Variants in RANGAP1 observed in about 807,000 individuals in gnomAD.
RANGAP1 encodes Ran GTPase activating protein 1, also known as ran GTPase-activating protein 1.
A neutral mutation model predicts 63.5 loss-of-function variants in RANGAP1; 38 were observed. The observed-to-expected ratio is 0.60, with a 90% CI of 0.46 to 0.78. The LOEUF (loss-of-function observed/expected upper bound fraction) is 0.78. Ranked by LOEUF, RANGAP1 falls within the 30% of genes least tolerant of loss-of-function variation. The probability of loss-of-function intolerance (pLI) is 0.00; values close to 1 mark genes in which losing one functional copy is unlikely to be tolerated. For missense variants in RANGAP1, 630 were observed against 740.3 expected (o/e 0.85, Z 1.73); for synonymous variants, 329 against 310.5 (o/e 1.06, Z -0.63).
At chr22:41,278,045 T>G (rs1391124648) in intron 2 of RANGAP1, among the ~76,000 whole-genome samples, 15 of 150,964 alleles carry the variant, frequency 9.9e-5, no homozygotes, top group Admixed American at 2.6e-4. Flanking sequence ...TGAGTTTTTT[T>G]TTTTTTTTTT....
chr22:41,258,145 G>A, intron 6 of RANGAP1, 39 bp from the exon 7 acceptor site: 1 of 1,555,602 alleles, frequency 6.4e-7, no homozygotes, highest in Admixed American at 1.8e-5. Flanking sequence ...GGCCCCGAGT[G>A]CCAGGTGACA....
At chr22:41,263,265 C>T (rs1385999364) in intron 5 of RANGAP1, among the ~76,000 whole-genome samples, 3 of 152,202 alleles carry the variant, frequency 2.0e-5, no homozygotes, top group East Asian at 1.9e-4. Flanking sequence ...GAAGGAAAAC[C>T]GAAGCATTTT....
At chr22:41,281,574 G>A in intron 1 of RANGAP1, 1 of 988,604 alleles carries the variant, frequency 1.0e-6, no homozygotes, top group Non-Finnish European at 1.2e-6. Flanking sequence ...ACGCTGGCAT[G>A]ACTCTGGGGT....
chr22:41,248,888 C>A (rs894284305), intron 15 of RANGAP1, among the ~76,000 whole-genome samples: 1 of 152,224 alleles, frequency 6.6e-6, no homozygotes, highest in South Asian at 2.1e-4. Flanking sequence ...GCTGCAGAGC[C>A]TGGTGTGACC....
rs74565399 is a variant in RANGAP1, at chr22:41,266,396, A to G, written c.301-1553T>C. Among the ~76,000 whole-genome samples, 1,097 of 152,334 alleles carry G rather than the reference A, an allele frequency of 7.2e-3. 8 individuals carry two copies. Among genetic ancestry groups the G allele is most frequent in the Non-Finnish European group, 0.013 (852 of 68,020 alleles). ...CTTCCCCATTCCTACAGAGTCAAGT[A>G]AAAGAAAACAAAAACCAAAAGAATA... On this transcript the variant is annotated intron_variant, in intron 4 of 15. Coordinates refer to ENST00000356244, the MANE Select transcript of RANGAP1 (RefSeq NM_002883.4).
At chr22:41,281,448 A>G (rs2035486714) in intron 1 of RANGAP1, 1 of 1,000,742 alleles carries the variant, frequency 1.0e-6, no homozygotes, top group African/African-American at 1.7e-5. Flanking sequence ...GTCTGGCCCA[A>G]GCACACACCT....
chr22:41,281,079 C>G lies in RANGAP1; in HGVS notation c.-35G>C, dbSNP rs781584273. 5 of 1,544,976 alleles carry G rather than the reference C, an allele frequency of 3.2e-6. No homozygotes were observed. In the South Asian group the frequency reaches 6.3e-5, roughly 19 times the overall value. On this transcript the variant is annotated 5_prime_UTR_variant, in exon 2 of 16. Coordinates refer to ENST00000356244, the MANE Select transcript of RANGAP1 (RefSeq NM_002883.4). Reference sequence around the variant, plus strand: ...GCTGGTGGGCTCCCCTGGAGATCTGCAGACTGAGGAGGCCAAAGTTGCAGT... The same window carrying G: ...GCTGGTGGGCTCCCCTGGAGATCTGGAGACTGAGGAGGCCAAAGTTGCAGT...
At chr22:41,276,034 C>T (rs575964764) in intron 2 of RANGAP1, among the ~76,000 whole-genome samples, 1 of 152,134 alleles carries the variant, frequency 6.6e-6, no homozygotes, top group African/African-American at 2.4e-5. Flanking sequence ...ATAGTTATAC[C>T]AGCACTGCTA....
Position 41,246,233 on chromosome 22 carries a change from C to CG in RANGAP1, c.*369dup, listed in dbSNP as rs2033017400. 1 of 194,156 alleles carries CG rather than the reference C, an allele frequency of 5.2e-6. No individual in the cohort carries two copies. The highest frequency in any genetic ancestry group is 9.7e-5 in the South Asian group (1 of 10,354). 12.0% of individuals were successfully genotyped at this position (194,156 alleles called of 1,614,324 possible). On this transcript the variant is annotated 3_prime_UTR_variant, in exon 16 of 16. Transcript: ENST00000356244. ...CTGGGTTCTGGCTCCGCCAGGGAGC[C>CG]GGGCCGGAAGGCAGGTGGGTGGGGA...
chr22:41,276,929 T>C (rs1601699681), intron 2 of RANGAP1, among the ~76,000 whole-genome samples: 1 of 145,782 alleles, frequency 6.9e-6, no homozygotes, highest in African/African-American at 2.6e-5. Context: ...GAGGTAGCAG[T>C]GAGCGAGATC....
In RANGAP1 at chr22:41,285,593, C is replaced by A. The variant is rs965027807; in HGVS notation, c.-39+393G>T. 8.1e-6 allele frequency: 8 copies of A among 985,434 alleles called. No homozygotes were observed. The Admixed American group carries it at 4.3e-4, about 53-fold the overall frequency. The allele number at this position is 985,434 out of a possible 1,614,324, so 61.0% of individuals were successfully genotyped here. ...AGCCCGGGGCCCCCGCGGGCGTGGG[C>A]CTGCTGGGAGGTGGCTCTGCGGGAG... On this transcript the variant is annotated intron_variant, in intron 1 of 15. Coordinates refer to ENST00000356244, the MANE Select transcript of RANGAP1 (RefSeq NM_002883.4).
upstream of RANGAP1, among the ~76,000 whole-genome samples, chr22:41,288,993 G>C (rs566092248): frequency 1.2e-3 from 169 of 142,038 alleles, no homozygotes; most frequent in Non-Finnish European, 1.7e-3. Context: ...TGCGATCTCA[G>C]CTCACTGCAA....
Position 41,255,464 on chromosome 22 carries a change from G to A in RANGAP1, c.1073+557C>T, listed in dbSNP as rs1601608716. Among the ~76,000 whole-genome samples, 4 of 151,918 alleles carry A rather than the reference G, an allele frequency of 2.6e-5. No individual in the cohort carries two copies. In the Middle Eastern group the frequency reaches 0.014, roughly 517 times the overall value. ...TCCAGGTAGACTCCCCAGGCCCCAT[G>A]GTCTCTTCCTTTCTAGAGTCAGCGT... On this transcript the variant is annotated intron_variant, in intron 10 of 15. Transcript: ENST00000356244.
Position 41,249,464 on chromosome 22 carries a change from C to A in RANGAP1, c.1573-13G>T, listed in dbSNP as rs369951380. On this transcript the variant is annotated splice_polypyrimidine_tract_variant and intron_variant, in intron 14 of 15. Coordinates refer to ENST00000356244, the MANE Select transcript of RANGAP1 (RefSeq NM_002883.4). ...CCTTGTCTTCACTCTGAGAGGAACA[C>A]AGCGAAAAGCGGGGTGAGCTTCAAA... 1 of 1,610,588 alleles carries A rather than the reference C, an allele frequency of 6.2e-7. No homozygotes were observed. The highest frequency in any genetic ancestry group is 1.7e-5 in the Admixed American group (1 of 59,592).
chr22:41,268,755 A>C (rs2034627206), intron 3 of RANGAP1, among the ~76,000 whole-genome samples: 1 of 152,182 alleles, frequency 6.6e-6, no homozygotes. Context: ...CATGAACATA[A>C]ACAACACAGA....
chr22:41,274,362 A>G (rs569314828), intron 3 of RANGAP1, among the ~76,000 whole-genome samples: 6 of 152,160 alleles, frequency 3.9e-5, no homozygotes, highest in Non-Finnish European at 8.8e-5. Flanking sequence ...TTTGTCTTTC[A>G]CAGGTGTCAT....
At chr22:41,254,978 A>G (rs2033729655) in intron 10 of RANGAP1, among the ~76,000 whole-genome samples, 1 of 133,870 alleles carries the variant, frequency 7.5e-6, no homozygotes, top group East Asian at 2.0e-4. Context: ...TCCCCCACAA[A>G]AAAACAAAAA....
chr22:41,260,288 C>G (rs1315819876), intron 6 of RANGAP1, among the ~76,000 whole-genome samples: 3 of 152,164 alleles, frequency 2.0e-5, no homozygotes, highest in Non-Finnish European at 4.4e-5. Context: ...CAGCGCACCC[C>G]CTCCTCCCAG....
At chr22:41,300,197 C>T in the RANGAP1 span, among the ~76,000 whole-genome samples, 1 of 151,964 alleles carries the variant, frequency 6.6e-6, no homozygotes, top group Admixed American at 6.6e-5. Flanking sequence ...CTGAATCCCC[C>T]TTGAATGATG....
Sources: gnomAD v4.1 joint callset for allele counts (sites outside exome capture counted in the v4.1 genomes callset) on GRCh38, gnomAD v4.1.1 for gene constraint, MANE v1.5 for transcripts, NCBI Gene and HGNC (gene_info 2026-07-23, HGNC 2026-07-21) for gene names.